Variants in CEP85 observed in about 807,000 individuals in gnomAD.
CEP85 encodes centrosomal protein of 85 kDa.
A neutral mutation model predicts 93.7 loss-of-function variants in CEP85; 58 were observed. The observed-to-expected ratio is 0.62, with a 90% confidence interval of 0.50 to 0.77. CEP85 has a LOEUF of 0.77. CEP85 is among the 30% of genes least tolerant of loss of function. The pLI, the probability that CEP85 is intolerant of heterozygous loss-of-function variation, is 0.00. For missense variants in CEP85, 868 were observed against 922.0 expected (o/e 0.94, Z 0.76); for synonymous variants, 314 against 338.6 (o/e 0.93, Z 0.80).
intron 3 of CEP85, 118 bp from the exon 4 acceptor site, chr1:26,255,053 G>T: frequency 1.3e-6 from 1 of 793,876 alleles, no homozygotes; most frequent in South Asian, 1.7e-5. Context: ...TGATACTTTT[G>T]ATGATGGTGC....
rs746548694 is a variant in CEP85, at chr1:26,269,468, T to G, written c.1503T>G (p.Asp501Glu). ...GGGATCCTGTCTCTCAGCTTAAGGA[T>G]TCTGAGTTGAAGAGCACAGAGCTGC... ...DHQKQSQQLK[D>E]SELKSTELQE... Residue 501 changes from aspartate to glutamate, a missense_variant, in exon 9 of 14, where the codon GAT (aspartate) becomes GAG (glutamate). Physicochemically the swap from Asp to Glu is conservative, Grantham distance 45. Transcript: ENST00000451429. The G allele has an allele frequency of 6.8e-6, 11 of 1,613,898 alleles. No homozygotes were observed. Among genetic ancestry groups the G allele is most frequent in the Admixed American group, 1.7e-5 (1 of 59,994 alleles).
At chr1:26,246,231 G>C (rs569493130) in intron 3 of CEP85, among the ~76,000 whole-genome samples, 1 of 152,190 alleles carries the variant, frequency 6.6e-6, no homozygotes, top group African/African-American at 2.4e-5. Context: ...TGACCCGATA[G>C]TTCTACTCTT....
intron 6 of CEP85, 104 bp from the exon 7 acceptor site, chr1:26,259,513 C>G (rs1161665198): frequency 9.0e-7 from 1 of 1,109,628 alleles, no homozygotes; most frequent in Non-Finnish European, 1.3e-6. Context: ...TAAAGAGATT[C>G]TTGGAGAAAA....
chr1:26,258,477 G>A (rs2089755383), intron 6 of CEP85, among the ~76,000 whole-genome samples: 1 of 152,154 alleles, frequency 6.6e-6, no homozygotes, highest in African/African-American at 2.4e-5. Flanking sequence ...GCCTGGGTGT[G>A]AAGACATACT....
At chr1:26,243,183 A>G (rs2089455220) in intron 2 of CEP85, among the ~76,000 whole-genome samples, 2 of 142,058 alleles carry the variant, frequency 1.4e-5, no homozygotes, top group African/African-American at 5.3e-5. Context: ...CCTAGGCTGG[A>G]GTGCAGTGGC....
intron 10 of CEP85, chr1:26,271,616 G>A (rs545457517): frequency 2.5e-4 from 50 of 197,628 alleles, no homozygotes; most frequent in African/African-American, 1.1e-3. Flanking sequence ...GACCAGAGCT[G>A]TAAATAACAA....
At chr1:26,261,492 G>C (rs2089807660) in intron 7 of CEP85, among the ~76,000 whole-genome samples, 1 of 151,836 alleles carries the variant, frequency 6.6e-6, no homozygotes, top group Non-Finnish European at 1.5e-5. Context: ...AAAGAAAGTT[G>C]GGTTAGTGAG....
chr1:26,234,206 C>T lies in CEP85; in HGVS notation c.-127C>T, dbSNP rs974338714. 1.3e-5 allele frequency: 2 copies of T among 152,302 alleles called. No homozygotes were observed. The highest frequency in any genetic ancestry group is 2.9e-5 in the Non-Finnish European group (2 of 68,110). The allele number at this position is 152,302 out of a possible 1,614,324, so 9.4% of individuals were successfully genotyped here. ...GGCGCGCGGCCTGGCGGGCGTGCAACGGCCGTTAGAGGAGCTGAGGGAGGG... is the reference window on the plus strand; with the variant it reads ...GGCGCGCGGCCTGGCGGGCGTGCAATGGCCGTTAGAGGAGCTGAGGGAGGG... On this transcript the variant is annotated 5_prime_UTR_variant, in exon 1 of 14. The change creates a new upstream start codon in the 5' untranslated region. Coordinates refer to ENST00000451429, the MANE Select transcript of CEP85 (RefSeq NM_001319944.2).
chr1:26,237,801 A>G (rs2089349663), intron 1 of CEP85, among the ~76,000 whole-genome samples: 2 of 152,176 alleles, frequency 1.3e-5, no homozygotes, highest in African/African-American at 2.4e-5. Context: ...CTTAGAATCC[A>G]GTGCGCCTAC....
At chr1:26,274,927 CTACTGTGT>C in intron 11 of CEP85, 29 bp from the exon 12 acceptor site, 2 of 1,511,868 alleles carry the variant, frequency 1.3e-6, no homozygotes, top group Non-Finnish European at 1.8e-6. Flanking sequence ...CTTGTTACCC[CTACTGTGT>C]TCCCTCAACA....
rs1303503321 is a variant in CEP85 at position 26,239,867 on chromosome 1, AT to A, written c.55+31del. The A allele has an allele frequency of 3.2e-6, 5 of 1,551,464 alleles. No individual in the cohort carries two copies. In the African/African-American group the frequency reaches 6.8e-5, roughly 21 times the overall value. ...AGTAGTCAGAAGTTTTCTGGGTTAA[AT>A]TCTGACCTTTGTTCTGTTTTTTCAT... On this transcript the variant is annotated intron_variant, in intron 2 of 13. Coordinates refer to ENST00000451429, the MANE Select transcript of CEP85 (RefSeq NM_001319944.2).
chr1:26,257,470 TA>T, intron 4 of CEP85, 126 bp from the exon 5 acceptor site: 1 of 1,077,196 alleles, frequency 9.3e-7, no homozygotes, highest in Non-Finnish European at 1.3e-6. Context: ...AATTATTTCA[TA>T]AACATTGGGC....
rs1480601021 is a variant in CEP85, at chr1:26,268,422, C to T, written c.1342-61C>T. ...GCAGTCAGCTGAGATCACAGCACTG[C>T]ACTCCAGCAGGGTCATAGTGGAGTG... is the stretch of plus-strand genomic sequence containing the variant. On this transcript the variant is annotated intron_variant, in intron 7 of 13. Transcript: ENST00000451429. The T allele has an allele frequency of 5.6e-6, 9 of 1,593,110 alleles. No individual in the cohort carries two copies. The African/African-American group carries it at 8.1e-5, about 14-fold the overall frequency.
intron 3 of CEP85, among the ~76,000 whole-genome samples, chr1:26,244,607 G>C (rs954772097): frequency 6.6e-6 from 1 of 152,016 alleles, no homozygotes; most frequent in Non-Finnish European, 1.5e-5. Context: ...GCTCGCTGCA[G>C]CCTCCCATGC....
At chr1:26,246,322 T>C (rs977645697) in intron 3 of CEP85, among the ~76,000 whole-genome samples, 1 of 152,176 alleles carries the variant, frequency 6.6e-6, no homozygotes, top group Non-Finnish European at 1.5e-5. Flanking sequence ...TTATTCATGA[T>C]AGTCAAAAGT....
chr1:26,234,648 G>GGTAATCCCTCGGCGCGCA (rs1553157620), intron 1 of CEP85, among the ~76,000 whole-genome samples: 2 of 152,232 alleles, frequency 1.3e-5, no homozygotes, highest in Middle Eastern at 3.2e-3. Context: ...CGTTAAGCGG[G>GGTAATCCCTCGGCGCGCA]GTAATCCCTC....
intron 7 of CEP85, among the ~76,000 whole-genome samples, chr1:26,262,285 C>T (rs1455564288): frequency 6.6e-6 from 1 of 151,478 alleles, no homozygotes; most frequent in Non-Finnish European, 1.5e-5. Context: ...TCCAGCCTGG[C>T]AACAGAGCAA....
intron 7 of CEP85, among the ~76,000 whole-genome samples, chr1:26,260,932 A>T (rs2089797905): frequency 1.3e-5 from 2 of 151,694 alleles, no homozygotes; most frequent in African/African-American, 2.4e-5. Context: ...TTGGGATTAC[A>T]GGCGCCTGCT....
rs2089977973 is a variant in CEP85, at chr1:26,271,695, G to GA, written c.1744-324dup. 17 of 323,270 alleles carry GA rather than the reference G, an allele frequency of 5.3e-5. No homozygotes were observed. The South Asian group carries it at 1.0e-3, about 20-fold the overall frequency. The allele number at this position is 323,270 out of a possible 1,614,324, so 20.0% of individuals were successfully genotyped here. A position where few individuals can be genotyped will look rare whatever the true frequency, so the allele number is the denominator to read the frequency against. On this transcript the variant is annotated intron_variant, in intron 10 of 13. Coordinates refer to ENST00000451429, the MANE Select transcript of CEP85 (RefSeq NM_001319944.2). ...TTTTTAGCCATGTCCTTGTACCAAAGAACAAGAGTTTGCACTGGCTGTTTA... is the reference window on the plus strand; with the variant it reads ...TTTTTAGCCATGTCCTTGTACCAAAGAAACAAGAGTTTGCACTGGCTGTTTA...
Sources: gnomAD v4.1 joint callset for allele counts (sites outside exome capture counted in the v4.1 genomes callset) on GRCh38, gnomAD v4.1.1 for gene constraint, MANE v1.5 for transcripts, NCBI Gene and HGNC (gene_info 2026-07-23, HGNC 2026-07-21) for gene names.